The following OCA2 variants were observed in gnomAD, a reference collection of about 807,000 sequenced individuals.
OCA2 encodes the protein P protein.
OCA2 carries 77 observed loss-of-function variants against 100.2 expected under a neutral mutation model. The ratio of observed to expected loss-of-function variants is 0.77; its 90% CI spans 0.64 to 0.93. OCA2 has a LOEUF of 0.93. Ranked by LOEUF, OCA2 falls within the 40% of genes least tolerant of loss-of-function variation. The pLI is 0.00. For synonymous variants in OCA2, 432 were observed against 439.2 expected, an observed-to-expected ratio of 0.98 and a Z score of 0.21; for missense variants, 1,062 against 1,089.1, an observed-to-expected ratio of 0.98 and a Z score of 0.35.
At chr15:28,054,979 G>C (rs555703740) in intron 2 of OCA2, among the ~76,000 whole-genome samples, 106 of 152,288 alleles carry the variant, frequency 7.0e-4, no homozygotes, top group African/African-American at 2.5e-3. Flanking sequence ...CACCAGAATA[G>C]CATGGGGGAA....
At chr15:28,040,880 G>C (rs1369287308) in intron 2 of OCA2, among the ~76,000 whole-genome samples, 1 of 152,048 alleles carries the variant, frequency 6.6e-6, no homozygotes, top group Non-Finnish European at 1.5e-5. Flanking sequence ...GGATGAGATA[G>C]CCTTACTGGT....
chr15:27,955,255 C>G (rs200552295), intron 16 of OCA2, 40 bp from the exon 17 acceptor site: 1 of 1,470,556 alleles, frequency 6.8e-7, no homozygotes, highest in Non-Finnish European at 9.5e-7. Context: ...TCCCTGGTCA[C>G]GCTGCGTGGT....
intron 7 of OCA2, among the ~76,000 whole-genome samples, chr15:28,016,504 C>G (rs1053924464): frequency 6.6e-6 from 1 of 152,206 alleles, no homozygotes; most frequent in African/African-American, 2.4e-5. Context: ...CATGCCCAGA[C>G]GCGCTGGCTC....
intron 19 of OCA2, among the ~76,000 whole-genome samples, chr15:27,925,839 A>G (rs111937564): frequency 8.7e-4 from 133 of 152,340 alleles, no homozygotes; most frequent in African/African-American, 1.4e-3. Flanking sequence ...ATTTAGCTCC[A>G]AACTCAACTT....
At chr15:27,943,158 G>C (rs953780780) in intron 18 of OCA2, among the ~76,000 whole-genome samples, 14 of 152,014 alleles carry the variant, frequency 9.2e-5, no homozygotes, top group African/African-American at 3.4e-4. Context: ...CCAACTGACG[G>C]ACCCCCTCTC....
At chr15:28,016,801 A>T (rs1047945824) in intron 7 of OCA2, among the ~76,000 whole-genome samples, 5 of 152,022 alleles carry the variant, frequency 3.3e-5, no homozygotes, top group African/African-American at 1.2e-4. Flanking sequence ...TCTAATATAA[A>T]TTTTTTTTAA....
At chr15:27,789,633 A>G (rs968998968) in intron 23 of OCA2, among the ~76,000 whole-genome samples, 11 of 152,184 alleles carry the variant, frequency 7.2e-5, no homozygotes, top group African/African-American at 2.7e-4. Context: ...GGCGCTTATC[A>G]AAGTCTACTC....
At chr15:27,792,773 C>T (rs528387734) in intron 23 of OCA2, among the ~76,000 whole-genome samples, 4 of 152,338 alleles carry the variant, frequency 2.6e-5, no homozygotes, top group Non-Finnish European at 4.4e-5. Context: ...GGGCCTAATT[C>T]GTCTCTGAGT....
At chr15:27,771,151 T>C (rs548445314) in intron 23 of OCA2, among the ~76,000 whole-genome samples, 2 of 143,328 alleles carry the variant, frequency 1.4e-5, no homozygotes, top group Non-Finnish European at 3.1e-5. Flanking sequence ...TCCCTCCCCT[T>C]GCAGCGACAC....
At chr15:27,729,662 A>T in the OCA2 span, among the ~76,000 whole-genome samples, 1 of 152,108 alleles carries the variant, frequency 6.6e-6, no homozygotes, top group Non-Finnish European at 1.5e-5. Context: ...TCATGCTGCC[A>T]CTTTCTCTGC....
At chr15:27,888,226 AG>A (rs1477104120) in intron 19 of OCA2, among the ~76,000 whole-genome samples, 1 of 152,252 alleles carries the variant, frequency 6.6e-6, no homozygotes, top group Non-Finnish European at 1.5e-5. Context: ...AGATCAAAGT[AG>A]CACTGCAAGA....
chr15:27,957,500 T>C lies in OCA2; in HGVS notation c.1784+88A>G. ...TGTGCGTCACCTAAATATCACGTAT[T>C]AGTATACAGCTAATGTCGCTATTTT... On this transcript the variant is annotated intron_variant, in intron 16 of 23. Transcript: ENST00000354638. This position sits in a 1 kb window ranked among gnomAD's most constrained non-coding sequence, Gnocchi z 4.3. 6.9e-7 allele frequency: 1 copy of C among 1,439,306 alleles called. No individual in the cohort carries two copies. Among genetic ancestry groups the C allele is most frequent in the Non-Finnish European group, 9.8e-7 (1 of 1,025,368 alleles). The allele number at this position is 1,439,306 out of a possible 1,614,324, so 89.2% of individuals were successfully genotyped here.
At chr15:28,057,604 C>A (rs1394327579) in intron 2 of OCA2, among the ~76,000 whole-genome samples, 2 of 152,106 alleles carry the variant, frequency 1.3e-5, no homozygotes, top group Non-Finnish European at 2.9e-5. Flanking sequence ...ACTACACATA[C>A]TCCAAAAACA....
the OCA2 span, among the ~76,000 whole-genome samples, chr15:27,739,928 C>T: frequency 2.6e-5 from 4 of 152,212 alleles, no homozygotes; most frequent in East Asian, 1.9e-4. Flanking sequence ...CAGCAGAGGA[C>T]GTGACTCAGG....
At position 27,957,649 on chromosome 15, in the gene OCA2, G is replaced by A; in HGVS notation, c.1723C>T (p.Leu575=). Residue 575 remains leucine, a synonymous_variant, in exon 16 of 24, where the codon CTG becomes TTG. Transcript: ENST00000354638. This position sits in a 1 kb window ranked among gnomAD's most constrained non-coding sequence, Gnocchi z 4.3. ...SREETAVRRL[L]LGKVLALEHL... ...TCCAGTGCCAGCACCTTCCCCAGCAGCAGGCGGCGCACAGCTGTCTCCTCG... is the reference window on the plus strand; with the variant it reads ...TCCAGTGCCAGCACCTTCCCCAGCAACAGGCGGCGCACAGCTGTCTCCTCG... 7 of 1,613,062 alleles carry A rather than the reference G, an allele frequency of 4.3e-6. No homozygotes were observed. The highest frequency in any genetic ancestry group is 5.9e-6 in the Non-Finnish European group (7 of 1,180,010).
chr15:27,752,919 C>T (rs2030122375), downstream of OCA2, among the ~76,000 whole-genome samples: 1 of 150,754 alleles, frequency 6.6e-6, no homozygotes, highest in Admixed American at 6.7e-5. Flanking sequence ...TATTTCCAGC[C>T]AGTTCTCTGG....
chr15:27,908,972 C>T (rs190389518), intron 19 of OCA2, among the ~76,000 whole-genome samples: 262 of 152,272 alleles, frequency 1.7e-3, no homozygotes, highest in African/African-American at 5.8e-3. Flanking sequence ...ACTAACCTGG[C>T]AAGTAGACCT....
intron 19 of OCA2, among the ~76,000 whole-genome samples, chr15:27,890,855 GTC>G (rs1278356613): frequency 6.6e-6 from 1 of 151,996 alleles, no homozygotes; most frequent in Non-Finnish European, 1.5e-5. Context: ...GTGAAACCCT[GTC>G]TCTACTAAAA....
chr15:27,792,261 TCTTC>T (rs2033120464), intron 23 of OCA2, among the ~76,000 whole-genome samples: 1 of 152,088 alleles, frequency 6.6e-6, no homozygotes, highest in African/African-American at 2.4e-5. Flanking sequence ...CTGTGTGCCT[TCTTC>T]CTTCCTTCTT....
Sources: allele counts gnomAD v4.1 joint callset (sites outside exome capture counted in the v4.1 genomes callset), GRCh38; gene constraint gnomAD v4.1.1; non-coding constraint Gnocchi (gnomAD v3.1); transcripts MANE v1.5; gene names NCBI Gene and HGNC (gene_info 2026-07-23, HGNC 2026-07-21).